Variants in NCAPD3 observed in about 807,000 individuals in gnomAD.
NCAPD3 encodes condensin-2 complex subunit D3.
In NCAPD3, 105 loss-of-function variants were observed where a neutral mutation model predicts 182.9. That is an observed-to-expected ratio of 0.57 (90% CI 0.49 to 0.68). The LOEUF (loss-of-function observed/expected upper bound fraction) is 0.68. Among genes scored for constraint, NCAPD3 ranks in the 30% least tolerant of loss-of-function variants. The pLI, the probability that NCAPD3 is intolerant of heterozygous loss-of-function variation, is 0.00. For synonymous variants in NCAPD3, 815 were observed against 679.9 expected (o/e 1.20, Z -3.09); for missense variants, 1,944 against 1,837.0 (o/e 1.06, Z -1.07).
At chr11:134,201,213 G>A (rs1019302938) in intron 13 of NCAPD3, among the ~76,000 whole-genome samples, 6 of 151,736 alleles carry the variant, frequency 4.0e-5, no homozygotes, top group African/African-American at 1.5e-4. Context: ...TAGTAGAGAC[G>A]GGGTTTCACC....
At chr11:134,170,321 T>TA (rs1274852233) in intron 24 of NCAPD3, among the ~76,000 whole-genome samples, 6 of 152,220 alleles carry the variant, frequency 3.9e-5, no homozygotes, top group African/African-American at 7.2e-5. Context: ...CTAAGAGTAG[T>TA]CAGTTACTTT....
intron 15 of NCAPD3, 68 bp downstream of exon 15, chr11:134,193,948 A>T: frequency 6.7e-7 from 1 of 1,488,644 alleles, no homozygotes; most frequent in Non-Finnish European, 9.2e-7. Flanking sequence ...AGCAGCAGGT[A>T]ATTATTGTGT....
chr11:134,158,103 T>G (rs1943475608), intron 30 of NCAPD3, 36 bp from the exon 31 acceptor site: 1 of 1,603,102 alleles, frequency 6.2e-7, no homozygotes, highest in Non-Finnish European at 8.5e-7. Flanking sequence ...ACTTTCTCAC[T>G]GCAGACCACT....
At chr11:134,158,168 CT>C in intron 30 of NCAPD3, 101 bp from the exon 31 acceptor site, 1 of 1,524,034 alleles carries the variant, frequency 6.6e-7, no homozygotes. Flanking sequence ...CGGCGCATCC[CT>C]CACCACCCTC....
rs376811282 is a variant in NCAPD3, at chr11:134,223,910, C to T, written c.17G>A (p.Gly6Asp). Residue 6 changes from glycine to aspartate, a missense_variant, in exon 1 of 35, where the codon GGC (glycine) becomes GAC (aspartate). Physicochemically the swap from Gly to Asp is moderately conservative, Grantham distance 94. This residue lies in a region of NCAPD3 where 131 missense variants were observed against 133.9 expected (regional missense o/e 0.98). Coordinates refer to ENST00000534548, the MANE Select transcript of NCAPD3 (RefSeq NM_015261.3). MVALR[G>D]LGSGLQPWCP... ...CCAGGGCTGCAGGCCGCTACCAAGG[C>T]CCCGCAACGCCACCATGATCCCAGG... 1.2e-6 allele frequency: 2 copies of T among 1,612,704 alleles called. No homozygotes were observed. Among genetic ancestry groups the T allele is most frequent in the Non-Finnish European group, 1.7e-6 (2 of 1,179,830 alleles).
At chr11:134,175,572 G>A (rs1425184512) in intron 24 of NCAPD3, among the ~76,000 whole-genome samples, 1 of 152,190 alleles carries the variant, frequency 6.6e-6, no homozygotes, top group Non-Finnish European at 1.5e-5. Flanking sequence ...ACTGTTAGCA[G>A]CCATTTATAG....
At chr11:134,170,623 T>C (rs1308414793) in intron 24 of NCAPD3, among the ~76,000 whole-genome samples, 1 of 152,256 alleles carries the variant, frequency 6.6e-6, no homozygotes, top group Non-Finnish European at 1.5e-5. Flanking sequence ...CCCTCTGAGT[T>C]TGGACTTATG....
intron 28 of NCAPD3, 55 bp downstream of exon 28, chr11:134,161,726 C>T (rs543291597): frequency 8.5e-6 from 9 of 1,058,680 alleles, no homozygotes; most frequent in African/African-American, 1.6e-5. Context: ...GGCAGAAGAT[C>T]CTAAGTAATG....
chr11:134,184,992 T>C lies in NCAPD3; in HGVS notation c.2246A>G (p.Asn749Ser). ...QSWEKISSQQNPNSNTLGHIL... is the reference protein window; with the variant it reads ...QSWEKISSQQSPNSNTLGHIL... ...ATGTCCTAAGGTGTTTGAATTGGGA[T>C]TCTGCTGACTAGAGAAAGGGCAGGA... Residue 749 changes from asparagine (N) to serine (S), a missense_variant, in exon 18 of 35, where the codon AAT (asparagine) becomes AGT (serine). By Grantham distance (46) the Asn-to-Ser change is conservative. Around this residue, in one of 3 missense-constraint regions of NCAPD3, gnomAD observed 1,803 missense variants for 1,674.6 expected, o/e 1.08. Coordinates refer to ENST00000534548, the MANE Select transcript of NCAPD3 (RefSeq NM_015261.3). The C allele has an allele frequency of 6.2e-7, 1 of 1,610,830 alleles. No homozygotes were observed. The highest frequency in any genetic ancestry group is 8.5e-7 in the Non-Finnish European group (1 of 1,177,052).
At chr11:134,195,953 C>T (rs1249182329) in intron 13 of NCAPD3, among the ~76,000 whole-genome samples, 1 of 151,948 alleles carries the variant, frequency 6.6e-6, no homozygotes, top group Non-Finnish European at 1.5e-5. Context: ...TTCAAGGACC[C>T]CTGAGGGTTC....
intron 16 of NCAPD3, among the ~76,000 whole-genome samples, chr11:134,192,460 G>C (rs1944542514): frequency 6.6e-6 from 1 of 152,206 alleles, no homozygotes. Flanking sequence ...AAACTGGAAA[G>C]CGTCAGACAG....
At chr11:134,170,689 C>T (rs528344396) in intron 24 of NCAPD3, among the ~76,000 whole-genome samples, 41 of 152,236 alleles carry the variant, frequency 2.7e-4, no homozygotes, top group Non-Finnish European at 3.8e-4. Flanking sequence ...AGGTGACCAA[C>T]AGACAAGATA....
intron 2 of NCAPD3, among the ~76,000 whole-genome samples, chr11:134,220,104 T>C (rs1478278433): frequency 6.6e-6 from 1 of 152,192 alleles, no homozygotes; most frequent in Non-Finnish European, 1.5e-5. Context: ...GCAGATTTTC[T>C]TAAAGTTAAG....
chr11:134,200,854 C>A (rs1944732236), intron 13 of NCAPD3, among the ~76,000 whole-genome samples: 1 of 152,072 alleles, frequency 6.6e-6, no homozygotes, highest in African/African-American at 2.4e-5. Flanking sequence ...AATGCATAAA[C>A]AAAATGTGGT....
At chr11:134,200,611 A>G (rs1384873880) in intron 13 of NCAPD3, among the ~76,000 whole-genome samples, 1 of 152,234 alleles carries the variant, frequency 6.6e-6, no homozygotes, top group Non-Finnish European at 1.5e-5. Flanking sequence ...AAATAGGATT[A>G]TCATACGTTG....
chr11:134,223,290 A>C (rs1938307657), intron 1 of NCAPD3: 3 of 621,130 alleles, frequency 4.8e-6, no homozygotes, highest in South Asian at 1.8e-5. Context: ...TGAAGGCAGC[A>C]GCATCAGGAA....
Position 134,208,932 on chromosome 11 carries a change from A to G in NCAPD3, c.814T>C (p.Tyr272His), listed in dbSNP as rs770736046. 2 of 1,610,198 alleles carry G rather than the reference A, an allele frequency of 1.2e-6. No individual in the cohort carries two copies. Among genetic ancestry groups the G allele is most frequent in the Admixed American group, 1.7e-5 (1 of 59,300 alleles). ...TQARALNQAK[Y>H]IPELAYYGLY... ...CCATAATAAGCCAGTTCTGGTATGT[A>G]TTTTGCTTGGTTAAGAGCTCTAAAA... is the stretch of plus-strand genomic sequence containing the variant. The change falls in exon 7 of 35, where the codon TAC becomes CAC. Residue 272 changes from tyrosine (Y) to histidine (H), a missense_variant. Around this residue, in one of 3 missense-constraint regions of NCAPD3, gnomAD observed 1,803 missense variants for 1,674.6 expected, o/e 1.08. Transcript: ENST00000534548.
At position 134,182,670 on chromosome 11, in the gene NCAPD3, T is replaced by C. The variant is rs549886526; in HGVS notation, c.2452-1486A>G. 4.3e-4 allele frequency among the ~76,000 whole-genome samples: 65 copies of C among 152,344 alleles called. 2 individuals are homozygous for C. The South Asian group carries it at 0.013, about 30-fold the overall frequency. ...TTGTTCTAGACACTATTTCTACTGA[T>C]ACAAGATCTCATCAATTTTTTAATG... On this transcript the variant is annotated intron_variant, in intron 19 of 34. Coordinates refer to ENST00000534548, the MANE Select transcript of NCAPD3 (RefSeq NM_015261.3).
upstream of NCAPD3, chr11:134,224,078 C>G (rs949202909): frequency 3.2e-6 from 3 of 924,970 alleles, no homozygotes; most frequent in African/African-American, 5.0e-5. Context: ...CTCAACCAAT[C>G]ACCGGCGTCG....
Sources: allele counts gnomAD v4.1 joint callset (sites outside exome capture counted in the v4.1 genomes callset), GRCh38; gene constraint gnomAD v4.1.1; regional missense constraint gnomAD v4.1.1; transcripts MANE v1.5; gene names NCBI Gene and HGNC (gene_info 2026-07-23, HGNC 2026-07-21).